UBE3D: variants seen among roughly 807,000 people sequenced by gnomAD.
The protein encoded by UBE3D is E3 ubiquitin-protein ligase E3D.
In UBE3D, 48 loss-of-function variants were observed where a neutral mutation model predicts 49.6. The observed-to-expected ratio is 0.97, with a 90% CI of 0.77 to 1.23. The LOEUF (loss-of-function observed/expected upper bound fraction) is 1.23, where lower values mean the gene tolerates loss of function less well. Among genes scored for constraint, UBE3D ranks in the 50% most tolerant of loss-of-function variants. The pLI, the probability that UBE3D is intolerant of heterozygous loss-of-function variation, is 0.00. For missense variants in UBE3D, 452 were observed against 468.4 expected, an observed-to-expected ratio of 0.96 and a Z score of 0.32; for synonymous variants, 189 against 174.2, an observed-to-expected ratio of 1.08 and a Z score of -0.67.
At chr6:83,001,815 T>G (rs1250439749) in intron 8 of UBE3D, among the ~76,000 whole-genome samples, 1 of 152,188 alleles carries the variant, frequency 6.6e-6, no homozygotes, top group Non-Finnish European at 1.5e-5. Flanking sequence ...AATTAGAAAT[T>G]CAGTGTAGTT....
At chr6:83,053,686 C>T (rs1279155862) in intron 3 of UBE3D, among the ~76,000 whole-genome samples, 1 of 152,142 alleles carries the variant, frequency 6.6e-6, no homozygotes, top group Non-Finnish European at 1.5e-5. Context: ...TTAATTTGTG[C>T]TCTGTATGCT....
At chr6:82,973,521 T>C (rs548760894) in intron 8 of UBE3D, among the ~76,000 whole-genome samples, 14 of 152,314 alleles carry the variant, frequency 9.2e-5, no homozygotes, top group African/African-American at 2.6e-4. Flanking sequence ...AAGAATTTCA[T>C]TGAAACTTCC....
At chr6:82,948,095 T>G (rs1017931847) in intron 9 of UBE3D, among the ~76,000 whole-genome samples, 1 of 151,842 alleles carries the variant, frequency 6.6e-6, no homozygotes, top group Non-Finnish European at 1.5e-5. Context: ...TTGGTTTTTT[T>G]GAAGAGGCAA....
chr6:82,959,631 C>T (rs537566716), intron 8 of UBE3D, among the ~76,000 whole-genome samples: 6 of 142,820 alleles, frequency 4.2e-5, no homozygotes, highest in South Asian at 4.5e-4. Flanking sequence ...CTTTGGAATG[C>T]GTGTCTTTAA....
intron 9 of UBE3D, among the ~76,000 whole-genome samples, chr6:82,899,949 G>T (rs927712028): frequency 8.5e-5 from 13 of 152,162 alleles, no homozygotes; most frequent in Non-Finnish European, 1.9e-4. Context: ...ACATTTGTAA[G>T]GAAATAATTC....
intron 9 of UBE3D, among the ~76,000 whole-genome samples, chr6:82,954,946 G>T (rs1364199473): frequency 6.6e-6 from 1 of 152,194 alleles, no homozygotes; most frequent in Non-Finnish European, 1.5e-5. Flanking sequence ...AAGTTTCTCT[G>T]TATCTGTGAA....
intron 5 of UBE3D, chr6:83,038,151 G>A (rs1240829783): frequency 7.3e-6 from 2 of 274,136 alleles, no homozygotes; most frequent in Non-Finnish European, 1.3e-5. Context: ...TTATACTATT[G>A]CTTTATATCT....
At chr6:82,952,103 C>A (rs1235714672) in intron 9 of UBE3D, among the ~76,000 whole-genome samples, 1 of 152,154 alleles carries the variant, frequency 6.6e-6, no homozygotes, top group Admixed American at 6.6e-5. Flanking sequence ...GCTGACAAGT[C>A]ATGCCACTTA....
chr6:83,042,066 C>T (rs1438773170), intron 4 of UBE3D, among the ~76,000 whole-genome samples: 1 of 152,106 alleles, frequency 6.6e-6, no homozygotes, highest in Non-Finnish European at 1.5e-5. Flanking sequence ...CCCGCCACCA[C>T]ACCCGGCTAA....
At chr6:82,989,078 A>T (rs1778710160) in intron 8 of UBE3D, among the ~76,000 whole-genome samples, 1 of 152,098 alleles carries the variant, frequency 6.6e-6, no homozygotes. Context: ...GATAAGGTTT[A>T]TGAGACTCTT....
intron 9 of UBE3D, among the ~76,000 whole-genome samples, chr6:82,907,101 G>T (rs1169780118): frequency 6.6e-6 from 1 of 152,128 alleles, no homozygotes; most frequent in South Asian, 2.1e-4. Context: ...AGAAATAACT[G>T]CTTCCAGAAA....
At chr6:82,991,989 T>C (rs968698169) in intron 8 of UBE3D, among the ~76,000 whole-genome samples, 10 of 148,984 alleles carry the variant, frequency 6.7e-5, no homozygotes, top group South Asian at 4.3e-4. Context: ...AAGATCTTCA[T>C]GTAAAACAAA....
intron 9 of UBE3D, among the ~76,000 whole-genome samples, chr6:82,916,294 T>A (rs1431429767): frequency 6.6e-6 from 1 of 152,170 alleles, no homozygotes; most frequent in African/African-American, 2.4e-5. Context: ...AAATATCCAC[T>A]ATGGCATTTT....
chr6:83,051,663 A>G (rs1038179623), intron 3 of UBE3D, among the ~76,000 whole-genome samples: 15 of 152,210 alleles, frequency 9.9e-5, no homozygotes, highest in Admixed American at 5.2e-4. Context: ...TTCAACTACA[A>G]TGTAAACTGA....
chr6:82,924,756 G>C (rs964764717), intron 9 of UBE3D: 1 of 151,824 alleles, frequency 6.6e-6, no homozygotes, highest in Non-Finnish European at 1.5e-5. Context: ...AAAATATTTT[G>C]AAGTTCAACT....
At chr6:82,994,330 T>C (rs890912742) in intron 8 of UBE3D, among the ~76,000 whole-genome samples, 7 of 152,218 alleles carry the variant, frequency 4.6e-5, no homozygotes, top group Admixed American at 1.3e-4. Context: ...GGTAATTATA[T>C]ACTCTTAGCA....
intron 9 of UBE3D, among the ~76,000 whole-genome samples, chr6:82,939,918 G>C (rs1425946297): frequency 3.3e-5 from 5 of 152,160 alleles, no homozygotes; most frequent in Admixed American, 3.3e-4. Flanking sequence ...ATAAAGCAAA[G>C]GGCAGAGCAT....
intron 8 of UBE3D, among the ~76,000 whole-genome samples, chr6:82,960,713 TCTAA>T (rs1242436353): frequency 2.0e-5 from 3 of 152,056 alleles, no homozygotes; most frequent in Non-Finnish European, 4.4e-5. Context: ...AGTGATTTCC[TCTAA>T]CTTTCTCATC....
intron 9 of UBE3D, among the ~76,000 whole-genome samples, chr6:82,934,165 T>A (rs1469017813): frequency 5.9e-5 from 9 of 152,100 alleles, no homozygotes; most frequent in Non-Finnish European, 8.8e-5. Flanking sequence ...CTTCACACAC[T>A]CTCTCTCACC....
Sources: allele counts gnomAD v4.1 joint callset (sites outside exome capture counted in the v4.1 genomes callset), GRCh38; gene constraint gnomAD v4.1.1; transcripts MANE v1.5; gene names NCBI Gene and HGNC (gene_info 2026-07-23, HGNC 2026-07-21).